The following RASL11A variants were observed in gnomAD, a reference collection of about 807,000 sequenced individuals.
RASL11A encodes RAS like family 11 member A, also known as ras-like protein family member 11A.
In RASL11A, 14 loss-of-function variants were observed where a neutral mutation model predicts 17.1. The ratio of observed to expected loss-of-function variants is 0.82; its 90% CI spans 0.54 to 1.28. RASL11A has a LOEUF of 1.28. Among genes scored for constraint, RASL11A ranks in the 50% most tolerant of loss-of-function variants. The pLI is 0.00. For missense variants in RASL11A, 283 were observed against 312.3 expected, an observed-to-expected ratio of 0.91 and a Z score of 0.71; for synonymous variants, 146 against 132.5, an observed-to-expected ratio of 1.10 and a Z score of -0.70.
At chr13:27,272,072 C>A (rs571508730) in intron 3 of RASL11A, among the ~76,000 whole-genome samples, 22 of 152,128 alleles carry the variant, frequency 1.4e-4, no homozygotes, top group Admixed American at 2.6e-4. Context: ...CAAAACAAAA[C>A]AAAAAAAGAG....
Position 27,274,323 on chromosome 13 carries a change from G to A in RASL11A, c.*829G>A, listed in dbSNP as rs1177617196. ...CCTTCTAGAATGACATCTCCTAATT[G>A]TCTCTTCACATCAGAACAATGCTAC... On this transcript the variant is annotated 3_prime_UTR_variant, in exon 4 of 4. Transcript: ENST00000241463. Among the ~76,000 whole-genome samples, 1 of 152,058 alleles carries A rather than the reference G, an allele frequency of 6.6e-6. No individual in the cohort carries two copies. Among genetic ancestry groups the A allele is most frequent in the Non-Finnish European group, 1.5e-5 (1 of 68,014 alleles).
chr13:27,273,570 C>A lies in RASL11A; in HGVS notation c.*76C>A. 1 of 1,100,148 alleles carries A rather than the reference C, an allele frequency of 9.1e-7. No individual in the cohort carries two copies. Among genetic ancestry groups the A allele is most frequent in the Non-Finnish European group, 1.3e-6 (1 of 767,324 alleles). The allele number at this position is 1,100,148 out of a possible 1,614,324, so 68.1% of individuals were successfully genotyped here. ...AAGACTGGGCTTCTCGCTTTTTAAT[C>A]ACACATTCAGAGTTTATTTTTATAA... On this transcript the variant is annotated 3_prime_UTR_variant, in exon 4 of 4. Coordinates refer to ENST00000241463, the MANE Select transcript of RASL11A (RefSeq NM_206827.2).
In RASL11A at chr13:27,274,086, C is replaced by T. The variant is rs980826484; in HGVS notation, c.*592C>T. The stretch of plus-strand genomic sequence containing the variant: ...GGTGCAAATGCAAGTTTATACTCTA[C>T]CCATATTAAAAAACAACCCCTTTTC... On this transcript the variant is annotated 3_prime_UTR_variant, in exon 4 of 4. Transcript: ENST00000241463. 1.3e-5 allele frequency among the ~76,000 whole-genome samples: 2 copies of T among 152,098 alleles called. No individual in the cohort carries two copies. Among genetic ancestry groups the T allele is most frequent in the South Asian group, 4.1e-4 (2 of 4,824 alleles).
In RASL11A at chr13:27,273,578, C is replaced by A; in HGVS notation, c.*84C>A. The A allele has an allele frequency of 2.0e-6, 2 of 1,007,310 alleles. No individual in the cohort carries two copies. The highest frequency in any genetic ancestry group is 1.6e-5 in the African/African-American group (1 of 60,806). 62.4% of individuals were successfully genotyped at this position (1,007,310 alleles called of 1,614,324 possible). A position where few individuals can be genotyped will look rare whatever the true frequency, so the allele number is the denominator to read the frequency against. ...GCTTCTCGCTTTTTAATCACACATT[C>A]AGAGTTTATTTTTATAAAAAAATTG... is the stretch of plus-strand genomic sequence containing the variant. On this transcript the variant is annotated 3_prime_UTR_variant, in exon 4 of 4. Transcript: ENST00000241463.
chr13:27,273,298 C>G lies in RASL11A; in HGVS notation c.533C>G (p.Thr178Ser), dbSNP rs768863856. 1 of 1,614,114 alleles carries G rather than the reference C, an allele frequency of 6.2e-7. No homozygotes were observed. Among genetic ancestry groups the G allele is most frequent in the African/African-American group, 1.3e-5 (1 of 74,928 alleles). ...ELGSLFLEISTSENYEDVCDV... is the reference protein window; with the variant it reads ...ELGSLFLEISSSENYEDVCDV... ...GGCAGCCTGTTCCTTGAAATTTCCA[C>G]TAGCGAAAACTACGAAGATGTCTGT... The change falls in exon 4 of 4, where the codon ACT becomes AGT. Residue 178 changes from threonine (T) to serine (S), a missense_variant. Thr to Ser is a moderately conservative substitution (Grantham distance 58, BLOSUM62 1). Coordinates refer to ENST00000241463, the MANE Select transcript of RASL11A (RefSeq NM_206827.2).
In RASL11A at chr13:27,274,093, T is replaced by TA. The variant is rs1215035064; in HGVS notation, c.*605dup. On this transcript the variant is annotated 3_prime_UTR_variant, in exon 4 of 4. Coordinates refer to ENST00000241463, the MANE Select transcript of RASL11A (RefSeq NM_206827.2). ...ATGCAAGTTTATACTCTACCCATAT[T>TA]AAAAAACAACCCCTTTTCTAGTATT... Among the ~76,000 whole-genome samples, 1 of 152,166 alleles carries TA rather than the reference T, an allele frequency of 6.6e-6. No individual in the cohort carries two copies. Among genetic ancestry groups the TA allele is most frequent in the Non-Finnish European group, 1.5e-5 (1 of 68,018 alleles).
At chr13:27,271,354 C>T in intron 1 of RASL11A, 130 bp from the exon 2 acceptor site, 1 of 1,520,752 alleles carries the variant, frequency 6.6e-7, no homozygotes, top group African/African-American at 1.4e-5. Context: ...GGCACCACGG[C>T]TTTGCGGAGC....
Position 27,273,246 on chromosome 13 carries a change from G to A in RASL11A, c.481G>A (p.Asp161Asn), listed in dbSNP as rs1882355664. ...GCATGCCCGGCAGGTGCAGACACAG[G>A]ACGGTATTCAGCTAGCCAATGAGCT... ...LLHARQVQTQ[D>N]GIQLANELGS... The change falls in exon 4 of 4, where the codon GAC becomes AAC. Residue 161 changes from aspartate to asparagine, a missense_variant. Physicochemically the swap from Asp to Asn is conservative, Grantham distance 23. Coordinates refer to ENST00000241463, the MANE Select transcript of RASL11A (RefSeq NM_206827.2). 1 of 1,614,092 alleles carries A rather than the reference G, an allele frequency of 6.2e-7. No homozygotes were observed. The highest frequency in any genetic ancestry group is 1.1e-5 in the South Asian group (1 of 91,080).
intron 3 of RASL11A, 135 bp downstream of exon 3, chr13:27,271,853 A>C: frequency 1.5e-6 from 1 of 679,150 alleles, no homozygotes; most frequent in Non-Finnish European, 2.5e-6. Context: ...TAGAGGGAGG[A>C]ATGGGCTGTC....
rs11304490 is a variant in RASL11A at position 27,273,690 on chromosome 13, C to CTTTTTTTT, written c.*219_*226dup. The CTTTTTTTT allele has an allele frequency of 1.5e-3, 106 of 72,518 alleles. 7 individuals are homozygous for CTTTTTTTT. Among genetic ancestry groups the CTTTTTTTT allele is most frequent in the Non-Finnish European group, 2.4e-3 (97 of 39,986 alleles). The allele number at this position is 72,518 out of a possible 1,614,324, so 4.5% of individuals were successfully genotyped here. On this transcript the variant is annotated 3_prime_UTR_variant, in exon 4 of 4. Transcript: ENST00000241463. ...ATTTTGTTTTGTTTTATTAAAAGAA[C>CTTTTTTTT]TTTTTTTTTTTTTTTTTTTTTTTTT...
rs779919095 is a variant in RASL11A, at chr13:27,270,934, G to C, written c.-11G>C. 9.5e-6 allele frequency: 15 copies of C among 1,584,642 alleles called. No homozygotes were observed. The highest frequency in any genetic ancestry group is 1.3e-5 in the Non-Finnish European group (15 of 1,166,422). ...CTCTCGGATTGCGCGCCGGACCCCG[G>C]GACGCGCTCCATGCGGCCGCTCAGC... is the stretch of plus-strand genomic sequence containing the variant. On this transcript the variant is annotated 5_prime_UTR_variant, in exon 1 of 4. Coordinates refer to ENST00000241463, the MANE Select transcript of RASL11A (RefSeq NM_206827.2).
chr13:27,273,690 C>CTTTTTTTTTTTTTTT lies in RASL11A; in HGVS notation c.*212_*226dup, dbSNP rs11304490. The CTTTTTTTTTTTTTTT allele has an allele frequency of 1.4e-5, 1 of 69,808 alleles. No individual in the cohort carries two copies. Among genetic ancestry groups the CTTTTTTTTTTTTTTT allele is most frequent in the Non-Finnish European group, 2.6e-5 (1 of 38,446 alleles). The allele number at this position is 69,808 out of a possible 1,614,324, so 4.3% of individuals were successfully genotyped here. A position where few individuals can be genotyped will look rare whatever the true frequency, so the allele number is the denominator to read the frequency against. On this transcript the variant is annotated 3_prime_UTR_variant, in exon 4 of 4. Coordinates refer to ENST00000241463, the MANE Select transcript of RASL11A (RefSeq NM_206827.2). ...ATTTTGTTTTGTTTTATTAAAAGAACTTTTTTTTTTTTTTTTTTTTTTTTT... is the reference window on the plus strand; with the variant it reads ...ATTTTGTTTTGTTTTATTAAAAGAACTTTTTTTTTTTTTTTTTTTTTTTTTTTTTTTTTTTTTTTT...
In RASL11A at chr13:27,271,654, G is replaced by A. The variant is rs541940275; in HGVS notation, c.197G>A (p.Arg66Gln). The A allele has an allele frequency of 4.2e-5, 67 of 1,614,020 alleles. No individual in the cohort carries two copies. In the South Asian group the frequency reaches 6.6e-4, roughly 16 times the overall value. Residue 66 changes from arginine (R) to glutamine (Q), a missense_variant, in exon 3 of 4, where the codon CGG becomes CAG. Coordinates refer to ENST00000241463, the MANE Select transcript of RASL11A (RefSeq NM_206827.2). ...CATTCTCCAGGCAAGCTGTATTCAC[G>A]GCTGGTCTATGTCGAGGGGGACCAG... is the stretch of plus-strand genomic sequence containing the variant. ...YEPNTGKLYSRLVYVEGDQLS... is the reference protein window; with the variant it reads ...YEPNTGKLYSQLVYVEGDQLS...
intron 1 of RASL11A, 192 bp from the exon 2 acceptor site, chr13:27,271,292 G>C: frequency 6.9e-7 from 1 of 1,453,410 alleles, no homozygotes; most frequent in East Asian, 2.5e-5. Context: ...GCCTGTTCGG[G>C]GATGGGGTGC....
At position 27,273,108 on chromosome 13, in the gene RASL11A, A is replaced by G. The variant is rs758618668; in HGVS notation, c.343A>G (p.Ile115Val). The G allele has an allele frequency of 3.7e-6, 6 of 1,614,118 alleles. No individual in the cohort carries two copies. The highest frequency in any genetic ancestry group is 1.1e-5 in the South Asian group (1 of 91,070). Residue 115 changes from isoleucine to valine, a missense_variant, in exon 4 of 4, where the codon ATC becomes GTC. Ile to Val is a conservative substitution (Grantham distance 29). Transcript: ENST00000241463. ...CGAGGGTTTTCTGCTGGTCTATTCCATCACAGACTATGACAGCTACTTGTC... is the reference window on the plus strand; with the variant it reads ...CGAGGGTTTTCTGCTGGTCTATTCCGTCACAGACTATGACAGCTACTTGTC... ...WAEGFLLVYS[I>V]TDYDSYLSIR...
rs902046874 is a variant in RASL11A, at chr13:27,274,756, C to T, written c.*1262C>T. On this transcript the variant is annotated 3_prime_UTR_variant, in exon 4 of 4. Transcript: ENST00000241463. ...TATTTGTTACTCCATTAGAAGGAGT[C>T]CCCCTCGAGGGCAGTAGCTGCATTT... is the stretch of plus-strand genomic sequence containing the variant. Among the ~76,000 whole-genome samples, 3 of 152,174 alleles carry T rather than the reference C, an allele frequency of 2.0e-5. No homozygotes were observed. Among genetic ancestry groups the T allele is most frequent in the Non-Finnish European group, 4.4e-5 (3 of 68,030 alleles).
At position 27,271,762 on chromosome 13, in the gene RASL11A, C is replaced by T. The variant is rs1882299964; in HGVS notation, c.261+44C>T. On this transcript the variant is annotated intron_variant, in intron 3 of 3. Coordinates refer to ENST00000241463, the MANE Select transcript of RASL11A (RefSeq NM_206827.2). ...AAACAGCTCACCCCCACCCGTGAGA[C>T]CACCCCAGTGGGCACAGCACGTAGG... is the stretch of plus-strand genomic sequence containing the variant. 1.3e-5 allele frequency: 19 copies of T among 1,518,530 alleles called. 1 individual carries two copies. The highest frequency in any genetic ancestry group is 1.7e-5 in the Non-Finnish European group (19 of 1,107,604). The allele number at this position is 1,518,530 out of a possible 1,614,324, so 94.1% of individuals were successfully genotyped here.
rs1882361810 is a variant in RASL11A at position 27,273,338 on chromosome 13, T to C, written c.573T>C (p.His191=). ...NYEDVCDVFQ[H]LCKEVSKMHG... Reference sequence around the variant, plus strand: ...AAGATGTCTGTGATGTGTTTCAGCATCTCTGCAAAGAAGTGAGCAAGATGC... The same window carrying C: ...AAGATGTCTGTGATGTGTTTCAGCACCTCTGCAAAGAAGTGAGCAAGATGC... Residue 191 remains histidine (H), a synonymous_variant, in exon 4 of 4, where the codon CAT becomes CAC. Transcript: ENST00000241463. 4 of 1,614,180 alleles carry C rather than the reference T, an allele frequency of 2.5e-6. No individual in the cohort carries two copies. In the East Asian group the frequency reaches 8.9e-5, roughly 36 times the overall value.
In RASL11A at chr13:27,271,021, A is replaced by G. The variant is rs752847538; in HGVS notation, c.77A>G (p.Lys26Arg). ...TCCTCCTCGGACTACCTACTGCCCA[A>G]GGACATCAAACTGGCGGTGCTGGGC... ...PESSSDYLLP[K>R]DIKLAVLGAG... The change falls in exon 1 of 4, where the codon AAG becomes AGG. Residue 26 changes from lysine (K) to arginine (R), a missense_variant. Lys to Arg is a conservative substitution (Grantham distance 26). Transcript: ENST00000241463. 4 of 1,590,910 alleles carry G rather than the reference A, an allele frequency of 2.5e-6. No homozygotes were observed. The highest frequency in any genetic ancestry group is 3.4e-6 in the Non-Finnish European group (4 of 1,168,862).
Sources: allele counts gnomAD v4.1 joint callset (sites outside exome capture counted in the v4.1 genomes callset), GRCh38; gene constraint gnomAD v4.1.1; transcripts MANE v1.5; gene names NCBI Gene and HGNC (gene_info 2026-07-23, HGNC 2026-07-21).